The following CNBD2 variants were observed in gnomAD, a reference collection of about 807,000 sequenced individuals.
CNBD2 encodes the protein cyclic nucleotide-binding domain-containing protein 2.
Under a neutral mutation model 63.7 loss-of-function variants are expected in CNBD2, and 64 were observed. That is an observed-to-expected ratio of 1.00 (90% CI 0.82 to 1.24). The LOEUF (loss-of-function observed/expected upper bound fraction) is 1.24, where lower values mean the gene tolerates loss of function less well. Among genes scored for constraint, CNBD2 ranks in the 50% most tolerant of loss-of-function variants. The pLI is 0.00. For missense variants in CNBD2, 691 were observed against 713.5 expected (o/e 0.97, Z 0.36); for synonymous variants, 229 against 255.4 (o/e 0.90, Z 0.99).
At chr20:35,959,551 AG>A (rs2056289971), downstream of CNBD2, 1 of 152,214 alleles carries the variant, frequency 6.6e-6, no homozygotes, top group Non-Finnish European at 1.5e-5. Context: ...AGATCTCGTG[AG>A]ACTTATTCAC....
At chr20:36,004,106 G>C (rs2794388) in intron 8 of CNBD2, among the ~76,000 whole-genome samples, 5,446 of 152,142 alleles carry the variant, frequency 0.036, 347 homozygotes, top group African/African-American at 0.13. Context: ...ATAACCTAAT[G>C]TCAGAAATAA....
At chr20:35,983,344 G>A (rs1323122540) in intron 4 of CNBD2, among the ~76,000 whole-genome samples, 1 of 152,016 alleles carries the variant, frequency 6.6e-6, no homozygotes, top group Non-Finnish European at 1.5e-5. Context: ...AATATCGAAA[G>A]AATTGAGATT....
At chr20:36,022,662 GCT>G (rs1320480565) in intron 10 of CNBD2, among the ~76,000 whole-genome samples, 1 of 146,422 alleles carries the variant, frequency 6.8e-6, no homozygotes, top group Non-Finnish European at 1.5e-5. Flanking sequence ...ATAGTCTCTC[GCT>G]CTGTTGCCCA....
intron 7 of CNBD2, among the ~76,000 whole-genome samples, chr20:35,988,278 T>C (rs992464441): frequency 9.9e-5 from 15 of 152,218 alleles, no homozygotes; most frequent in African/African-American, 3.4e-4. Context: ...GTGATTCTCC[T>C]GCCTCAGCCT....
At position 35,970,557 on chromosome 20, in the gene CNBD2, C is replaced by T. The variant is rs189556296; in HGVS notation, c.51+1744C>T. 3.1e-4 allele frequency among the ~76,000 whole-genome samples: 47 copies of T among 151,368 alleles called. 1 individual carries two copies. The East Asian group carries it at 4.5e-3, about 15-fold the overall frequency. ...GATTACAGGCGCCCACCACCACGCC[C>T]GGCTAATTTTTGTTTTTTTTAGTGC... On this transcript the variant is annotated intron_variant, in intron 1 of 11. Transcript: ENST00000373973.
At chr20:35,972,961 A>G in intron 2 of CNBD2, 195 bp downstream of exon 2, 1 of 601,190 alleles carries the variant, frequency 1.7e-6, no homozygotes, top group Non-Finnish European at 2.9e-6. Flanking sequence ...AGGTTTACCT[A>G]ATACTGAACC....
rs188637938 is a variant in CNBD2 at position 35,975,760 on chromosome 20, G to C, written c.190-189G>C. Among the ~76,000 whole-genome samples, 5 of 151,650 alleles carry C rather than the reference G, an allele frequency of 3.3e-5. No homozygotes were observed. In the East Asian group the frequency reaches 9.7e-4, roughly 30 times the overall value. On this transcript the variant is annotated intron_variant, in intron 2 of 11. Coordinates refer to ENST00000373973, the MANE Select transcript of CNBD2 (RefSeq NM_001365709.1). ...GCCTTCACAATAATATGCTGTAAAT[G>C]CTGGACCCAAGCCTAGTGCTGAGTT...
intron 11 of CNBD2, 84 bp downstream of exon 11, chr20:36,023,855 T>C: frequency 4.9e-6 from 6 of 1,218,378 alleles, no homozygotes; most frequent in Non-Finnish European, 6.9e-6. Context: ...AGGAAAAATA[T>C]AATACCTGTT....
intron 11 of CNBD2, among the ~76,000 whole-genome samples, chr20:36,025,222 C>G (rs1264926053): frequency 1.3e-5 from 2 of 152,108 alleles, no homozygotes. Context: ...CGAGAGAAAC[C>G]TAGAAGGAAA....
chr20:36,001,370 A>AC (rs1174391071), intron 8 of CNBD2, among the ~76,000 whole-genome samples: 23 of 140,568 alleles, frequency 1.6e-4, no homozygotes, highest in Admixed American at 8.4e-4. Context: ...TGGGGGGCTG[A>AC]CCCCCCCACC....
At chr20:35,975,291 G>T (rs1253797753) in intron 2 of CNBD2, among the ~76,000 whole-genome samples, 1 of 125,154 alleles carries the variant, frequency 8.0e-6, no homozygotes, top group East Asian at 2.2e-4. Flanking sequence ...GTGAGCCACC[G>T]CGCCCGGCCT....
chr20:36,029,316 C>T (rs1373074010), intron 11 of CNBD2, among the ~76,000 whole-genome samples: 1 of 151,860 alleles, frequency 6.6e-6, no homozygotes, highest in African/African-American at 2.4e-5. Flanking sequence ...GTGCTTGACA[C>T]ATGGTAAGTT....
At chr20:36,017,777 G>A (rs908431881) in intron 10 of CNBD2, among the ~76,000 whole-genome samples, 12 of 152,000 alleles carry the variant, frequency 7.9e-5, no homozygotes, top group African/African-American at 2.7e-4. Flanking sequence ...ATTCTTCAAG[G>A]GGCGTAATTT....
intron 2 of CNBD2, chr20:35,973,143 A>G (rs1439163544): frequency 8.5e-6 from 3 of 352,700 alleles, no homozygotes; most frequent in Non-Finnish European, 1.5e-5. Context: ...AAATTCATCA[A>G]AGAGTTTAAG....
intron 7 of CNBD2, among the ~76,000 whole-genome samples, chr20:35,988,247 A>G (rs1210747403): frequency 6.6e-6 from 1 of 151,620 alleles, no homozygotes; most frequent in Non-Finnish European, 1.5e-5. Flanking sequence ...GCTCACTGCA[A>G]CCTCTGCCTC....
intron 11 of CNBD2, among the ~76,000 whole-genome samples, chr20:36,026,048 G>T (rs2057279057): frequency 6.6e-6 from 1 of 151,926 alleles, no homozygotes. Flanking sequence ...GTGTGTGTGT[G>T]TGAGAGATGG....
chr20:35,974,607 T>A (rs77726708), intron 2 of CNBD2: 9,835 of 153,320 alleles, frequency 0.064, 534 homozygotes, highest in African/African-American at 0.16. Context: ...CTTCAGTAGA[T>A]GTGTGAATCT....
intron 8 of CNBD2, 65 bp from the exon 9 acceptor site, chr20:36,008,232 C>A: frequency 7.4e-7 from 1 of 1,353,446 alleles, no homozygotes; most frequent in Non-Finnish European, 1.0e-6. Flanking sequence ...GCTTCAACTA[C>A]TACCACCATA....
At position 36,030,490 on chromosome 20, in the gene CNBD2, T is replaced by C. The variant is rs999958587; in HGVS notation, c.1573T>C (p.Tyr525His). ...AAACCGGCCCAAGAAGAGAGAGATC[T>C]ACAACCCTAAGTCTGTGGTCCTGGA... Reference protein sequence around the residue: ...TPNRPKKREIYNPKSVVLDLC... With the variant: ...TPNRPKKREIHNPKSVVLDLC... The change falls in exon 12 of 12, where the codon TAC (tyrosine) becomes CAC (histidine). Residue 525 changes from tyrosine (Y) to histidine (H), a missense_variant. Transcript: ENST00000373973. The C allele has an allele frequency of 6.2e-7, 1 of 1,613,856 alleles. No individual in the cohort carries two copies. The highest frequency in any genetic ancestry group is 8.5e-7 in the Non-Finnish European group (1 of 1,180,004).
Sources: gnomAD v4.1 joint callset for allele counts (sites outside exome capture counted in the v4.1 genomes callset) on GRCh38, gnomAD v4.1.1 for gene constraint, MANE v1.5 for transcripts, NCBI Gene and HGNC (gene_info 2026-07-23, HGNC 2026-07-21) for gene names.